Variants in PTPRN2 observed in about 807,000 individuals in gnomAD.
PTPRN2 encodes receptor-type tyrosine-protein phosphatase N2.
PTPRN2 carries 74 observed loss-of-function variants against 118.8 expected under a neutral mutation model. The ratio of observed to expected loss-of-function variants is 0.62; its 90% CI spans 0.52 to 0.76. The LOEUF is 0.76. Ranked by LOEUF, PTPRN2 falls within the 30% of genes least tolerant of loss-of-function variation. The pLI, the probability that PTPRN2 is intolerant of heterozygous loss-of-function variation, is 0.00. For missense variants in PTPRN2, 1,481 were observed against 1,394.4 expected, an observed-to-expected ratio of 1.06 and a Z score of -0.99; for synonymous variants, 641 against 608.0, an observed-to-expected ratio of 1.05 and a Z score of -0.80.
At chr7:157,915,507 C>T (rs894878207) in intron 11 of PTPRN2, among the ~76,000 whole-genome samples, 10 of 147,594 alleles carry the variant, frequency 6.8e-5, no homozygotes, top group Non-Finnish European at 1.5e-4. Context: ...AGCAGTTTAC[C>T]ATCCTCCAGC....
chr7:158,293,324 C>T (rs1436443671), intron 3 of PTPRN2, among the ~76,000 whole-genome samples: 1 of 152,112 alleles, frequency 6.6e-6, no homozygotes, highest in Non-Finnish European at 1.5e-5. Context: ...CGCCTATAAT[C>T]CCAGCAGTTT....
chr7:158,120,253 GGA>G (rs1285226439), intron 9 of PTPRN2, among the ~76,000 whole-genome samples: 3 of 152,136 alleles, frequency 2.0e-5, no homozygotes, highest in Admixed American at 2.0e-4. Flanking sequence ...AGAGCTCTGG[GGA>G]TGGACAGCGG....
intron 2 of PTPRN2, among the ~76,000 whole-genome samples, chr7:158,340,302 G>A (rs1383954047): frequency 1.0e-5 from 1 of 96,658 alleles, no homozygotes; most frequent in Non-Finnish European, 2.3e-5. Context: ...CTCACCATAG[G>A]AGCTGACACC....
chr7:158,387,055 C>G (rs1811443391), intron 2 of PTPRN2, among the ~76,000 whole-genome samples: 1 of 152,158 alleles, frequency 6.6e-6, no homozygotes, highest in African/African-American at 2.4e-5. Flanking sequence ...GATGACGCGT[C>G]TCTGTGGCAG....
At chr7:158,395,771 GGTGAGGC>G (rs202107511) in intron 2 of PTPRN2, among the ~76,000 whole-genome samples, 1 of 123,486 alleles carries the variant, frequency 8.1e-6, no homozygotes, top group African/African-American at 3.3e-5. Flanking sequence ...AGGGGCGAGG[GGTGAGGC>G]GCGAGGGGCG....
chr7:158,587,440 C>A (rs1180234510), intron 1 of PTPRN2, 118 bp downstream of exon 1: 9 of 251,892 alleles, frequency 3.6e-5, no homozygotes, highest in African/African-American at 3.3e-4. Flanking sequence ...AGGCGCCTCT[C>A]CCCCCGACCC....
chr7:158,359,151 G>A (rs1012107303), intron 2 of PTPRN2, among the ~76,000 whole-genome samples: 1 of 152,164 alleles, frequency 6.6e-6, no homozygotes, highest in African/African-American at 2.4e-5. Context: ...GCGAGTCCCT[G>A]CTCAGACCCC....
At chr7:158,188,675 G>A (rs558365485) in intron 5 of PTPRN2, among the ~76,000 whole-genome samples, 3 of 133,772 alleles carry the variant, frequency 2.2e-5, no homozygotes, top group Non-Finnish European at 3.2e-5. Context: ...CGCCACGCTC[G>A]CCCCCTGTAC....
chr7:157,685,004 G>C (rs1168008698), intron 12 of PTPRN2, among the ~76,000 whole-genome samples: 1 of 151,888 alleles, frequency 6.6e-6, no homozygotes, highest in East Asian at 1.9e-4. Flanking sequence ...GTTCGCCTGC[G>C]GGGCCGCGTC....
intron 11 of PTPRN2, chr7:158,031,079 A>G (rs1807653364): frequency 6.6e-6 from 1 of 152,256 alleles, no homozygotes; most frequent in African/African-American, 2.4e-5. Flanking sequence ...TAATGTGTTT[A>G]ATTTGACAAA....
In PTPRN2 at chr7:157,682,939, T is replaced by A; in HGVS notation, c.1789-2A>T. On this transcript the variant is annotated splice_acceptor_variant, in intron 12 of 22. Coordinates refer to ENST00000389418, the MANE Select transcript of PTPRN2 (RefSeq NM_002847.5). LOFTEE classifies it high-confidence loss of function. ...AGGCAGGAACTTGAGTTTGCTTTTC[T>A]GCAGAACAAGGAGAGAGGGGTGTGT... 1 of 1,606,294 alleles carries A rather than the reference T, an allele frequency of 6.2e-7. No individual in the cohort carries two copies. Among genetic ancestry groups the A allele is most frequent in the Non-Finnish European group, 8.5e-7 (1 of 1,173,446 alleles).
At chr7:158,432,125 C>T (rs1488039886) in intron 2 of PTPRN2, among the ~76,000 whole-genome samples, 1 of 152,168 alleles carries the variant, frequency 6.6e-6, no homozygotes, top group Non-Finnish European at 1.5e-5. Context: ...TTGTCCAGGG[C>T]GGGGAGGACT....
chr7:157,553,185 C>G (rs1468209059), intron 21 of PTPRN2, among the ~76,000 whole-genome samples: 2 of 152,206 alleles, frequency 1.3e-5, no homozygotes, highest in Admixed American at 6.5e-5. Context: ...ATCTGGGCCA[C>G]AGAGTTAAAG....
intron 2 of PTPRN2, among the ~76,000 whole-genome samples, chr7:158,322,955 T>C (rs754974209): frequency 6.6e-6 from 1 of 152,184 alleles, no homozygotes; most frequent in Non-Finnish European, 1.5e-5. Context: ...GAGACCTGGA[T>C]AGACTGGAGC....
chr7:157,760,173 AT>A (rs976552613), intron 12 of PTPRN2, among the ~76,000 whole-genome samples: 4 of 151,960 alleles, frequency 2.6e-5, no homozygotes, highest in Non-Finnish European at 5.9e-5. Context: ...TCTAACAAAC[AT>A]CCCCCACGTG....
At chr7:157,597,171 C>T (rs1801392152) in intron 16 of PTPRN2, among the ~76,000 whole-genome samples, 1 of 152,182 alleles carries the variant, frequency 6.6e-6, no homozygotes, top group Non-Finnish European at 1.5e-5. Flanking sequence ...AACACGGTGA[C>T]GCTAGCCGGG....
chr7:158,205,258 TC>T lies in PTPRN2; in HGVS notation c.292del (p.Asp98MetfsTer7), dbSNP rs755045010. 2.5e-6 allele frequency: 4 copies of T among 1,613,638 alleles called. No individual in the cohort carries two copies. In the African/African-American group the frequency reaches 5.3e-5, roughly 22 times the overall value. On this transcript the variant is annotated frameshift_variant, in exon 4 of 23. Transcript: ENST00000389418. LOFTEE classifies it high-confidence loss of function. ...GTCCATCACATACTGAGTATAGTCA[TC>T]CTGCCACGTGAAACCTGTGGACAAA... ...KLSGTGFTWQDDYTQYVMDQE... is the reference protein window; with the variant it reads ...KLSGTGFTWQXDYTQYVMDQE...
intron 2 of PTPRN2, among the ~76,000 whole-genome samples, chr7:158,327,729 C>T (rs1412573261): frequency 6.6e-6 from 1 of 152,220 alleles, no homozygotes; most frequent in Admixed American, 6.5e-5. Context: ...AGGACCCTGC[C>T]TCTCTCCCAC....
At chr7:158,393,844 T>G (rs1004854567) in intron 2 of PTPRN2, among the ~76,000 whole-genome samples, 1 of 152,052 alleles carries the variant, frequency 6.6e-6, no homozygotes, top group Non-Finnish European at 1.5e-5. Flanking sequence ...CAGCCTGGGT[T>G]CAATGTATAT....
Sources: gnomAD v4.1 joint callset for allele counts (sites outside exome capture counted in the v4.1 genomes callset) on GRCh38, gnomAD v4.1.1 for gene constraint, MANE v1.5 for transcripts, NCBI Gene and HGNC (gene_info 2026-07-23, HGNC 2026-07-21) for gene names.